ADAD1: variants seen among roughly 807,000 people sequenced by gnomAD.
The protein encoded by ADAD1 is adenosine deaminase domain-containing protein 1.
ADAD1 carries 46 observed loss-of-function variants against 66.8 expected under a neutral mutation model. The ratio of observed to expected loss-of-function variants is 0.69; its 90% confidence interval spans 0.54 to 0.88. The LOEUF is 0.88. Ranked by LOEUF, ADAD1 falls within the 40% of genes least tolerant of loss-of-function variation. The probability of loss-of-function intolerance (pLI) is 0.00; values close to 1 mark genes in which losing one functional copy is unlikely to be tolerated. For missense variants in ADAD1, 617 were observed against 681.8 expected, an observed-to-expected ratio of 0.91 and a Z score of 1.06; for synonymous variants, 248 against 229.4, an observed-to-expected ratio of 1.08 and a Z score of -0.73.
intron 7 of ADAD1, among the ~76,000 whole-genome samples, chr4:122,401,153 G>A (rs972650078): frequency 6.6e-6 from 1 of 151,974 alleles, no homozygotes; most frequent in South Asian, 2.1e-4. Context: ...TGAACTTCCC[G>A]CTTAGCACCC....
At chr4:122,409,836 A>T (rs757306114) in intron 8 of ADAD1, among the ~76,000 whole-genome samples, 1 of 152,094 alleles carries the variant, frequency 6.6e-6, no homozygotes, top group Admixed American at 6.6e-5. Flanking sequence ...AGTAGCTGGG[A>T]TTACAGGCAC....
chr4:122,398,846 G>C (rs1795836044), intron 7 of ADAD1, among the ~76,000 whole-genome samples: 1 of 149,426 alleles, frequency 6.7e-6, no homozygotes, highest in Admixed American at 6.7e-5. Flanking sequence ...TTGCTGATTT[G>C]AGTTCCTTGT....
At chr4:122,388,422 G>T (rs1025792314) in intron 5 of ADAD1, among the ~76,000 whole-genome samples, 1 of 152,118 alleles carries the variant, frequency 6.6e-6, no homozygotes, top group African/African-American at 2.4e-5. Context: ...CAATTGTTTG[G>T]AATAGTTTCA....
intron 8 of ADAD1, among the ~76,000 whole-genome samples, chr4:122,410,484 A>T (rs954616850): frequency 6.6e-6 from 1 of 152,316 alleles, no homozygotes; most frequent in African/African-American, 2.4e-5. Context: ...TTTAGAAAAA[A>T]AAATTTGAAT....
chr4:122,411,185 A>G (rs769635674), intron 8 of ADAD1, 37 bp from the exon 9 acceptor site: 4 of 1,475,772 alleles, frequency 2.7e-6, no homozygotes, highest in Non-Finnish European at 1.8e-6. Flanking sequence ...TCTTTTATAA[A>G]GTTTATTACT....
intron 11 of ADAD1, among the ~76,000 whole-genome samples, chr4:122,416,983 T>A (rs995759857): frequency 2.0e-5 from 3 of 152,134 alleles, no homozygotes; most frequent in Admixed American, 6.5e-5. Flanking sequence ...AAGATGAAAT[T>A]AAGTGTGTGA....
chr4:122,419,815 T>C (rs1796922910), intron 11 of ADAD1, among the ~76,000 whole-genome samples: 1 of 152,318 alleles, frequency 6.6e-6, no homozygotes, highest in Non-Finnish European at 1.5e-5. Flanking sequence ...TAAGAAGGTG[T>C]ATAAATAATT....
In ADAD1 at chr4:122,425,606, TA is replaced by T. The variant is rs1466533080; in HGVS notation, c.1618-4009del. Among the ~76,000 whole-genome samples the T allele has an allele frequency of 3.2e-3, 452 of 141,648 alleles. 4 individuals carry two copies. The highest frequency in any genetic ancestry group is 0.011 in the Middle Eastern group (3 of 282). The allele number at this position is 141,648 out of a possible 152,430, so 92.9% of individuals were successfully genotyped here. A position where few individuals can be genotyped will look rare whatever the true frequency, so the allele number is the denominator to read the frequency against. On this transcript the variant is annotated intron_variant, in intron 12 of 12. Coordinates refer to ENST00000296513, the MANE Select transcript of ADAD1 (RefSeq NM_139243.4). Reference sequence around the variant, plus strand: ...ATATTTGGGGGAAGAAAAGGAAAAGTAAAAAAAAAAATACAAAAATAAAAAT... The same window carrying T: ...ATATTTGGGGGAAGAAAAGGAAAAGTAAAAAAAAAATACAAAAATAAAAAT...
intron 5 of ADAD1, among the ~76,000 whole-genome samples, chr4:122,391,663 T>C (rs1795454348): frequency 6.6e-6 from 1 of 152,188 alleles, no homozygotes; most frequent in African/African-American, 2.4e-5. Flanking sequence ...ACAGCCGGTA[T>C]GTTGGGCTGT....
chr4:122,387,795 T>G (rs569903291), intron 5 of ADAD1, among the ~76,000 whole-genome samples: 43 of 151,976 alleles, frequency 2.8e-4, no homozygotes, highest in African/African-American at 8.9e-4. Flanking sequence ...AGTCTTGCTC[T>G]GTTGCCCAGG....
chr4:122,408,145 G>A, intron 8 of ADAD1, 114 bp downstream of exon 8: 1 of 1,140,882 alleles, frequency 8.8e-7, no homozygotes, highest in Non-Finnish European at 1.2e-6. Flanking sequence ...AGCCAAGGAT[G>A]TCACATTTTC....
chr4:122,405,604 C>T (rs1274562223), intron 7 of ADAD1, among the ~76,000 whole-genome samples: 4 of 152,116 alleles, frequency 2.6e-5, no homozygotes, highest in Admixed American at 2.6e-4. Flanking sequence ...CCCTACCACC[C>T]ACAATATTGA....
rs1316705705 is a variant in ADAD1, at chr4:122,410,820, GTTTGTTT to G, written c.849-401_849-395del. 7.2e-5 allele frequency among the ~76,000 whole-genome samples: 11 copies of G among 152,264 alleles called. No homozygotes were observed. In the East Asian group the frequency reaches 2.1e-3, roughly 29 times the overall value. On this transcript the variant is annotated intron_variant, in intron 8 of 12. Coordinates refer to ENST00000296513, the MANE Select transcript of ADAD1 (RefSeq NM_139243.4). ...CACAGTTTTTGTCATTTTTGTAGTA[GTTTGTTT>G]GGGTAGGTAAGGGGAAATAGAAGTA...
At chr4:122,406,184 A>T (rs1796203884) in intron 7 of ADAD1, among the ~76,000 whole-genome samples, 1 of 152,184 alleles carries the variant, frequency 6.6e-6, no homozygotes, top group Non-Finnish European at 1.5e-5. Flanking sequence ...AAAAATTTAC[A>T]TTTCTGCCAA....
chr4:122,380,904 C>T, intron 3 of ADAD1, 88 bp from the exon 4 acceptor site: 1 of 1,212,634 alleles, frequency 8.2e-7, no homozygotes, highest in South Asian at 1.5e-5. Context: ...TCTGGGACAA[C>T]CTTCCATTTC....
intron 8 of ADAD1, among the ~76,000 whole-genome samples, chr4:122,409,824 C>T (rs1024219717): frequency 1.3e-5 from 2 of 152,106 alleles, no homozygotes; most frequent in South Asian, 2.1e-4. Context: ...CTCAGCCTCC[C>T]GAGTAGCTGG....
At chr4:122,425,600 G>T (rs1797195217) in intron 12 of ADAD1, among the ~76,000 whole-genome samples, 1 of 147,362 alleles carries the variant, frequency 6.8e-6, no homozygotes, top group Non-Finnish European at 1.5e-5. Context: ...GGAAGAAAAG[G>T]AAAAGTAAAA....
chr4:122,393,055 G>A (rs74552135), intron 5 of ADAD1, among the ~76,000 whole-genome samples: 1 of 56,640 alleles, frequency 1.8e-5, no homozygotes, highest in African/African-American at 6.6e-5. Context: ...TTTTTTTTTT[G>A]TCCCTCAGGT....
At chr4:122,382,695 G>A (rs1163637721) in intron 4 of ADAD1, among the ~76,000 whole-genome samples, 1 of 152,132 alleles carries the variant, frequency 6.6e-6, no homozygotes, top group African/African-American at 2.4e-5. Flanking sequence ...ATGGGATTAT[G>A]AGTGTGAGCC....
Sources: gnomAD v4.1 joint callset for allele counts (sites outside exome capture counted in the v4.1 genomes callset) on GRCh38, gnomAD v4.1.1 for gene constraint, MANE v1.5 for transcripts, NCBI Gene and HGNC (gene_info 2026-07-23, HGNC 2026-07-21) for gene names.